Variants in CDC73 observed in about 807,000 individuals in gnomAD.
CDC73 encodes the protein parafibromin.
CDC73 carries 21 observed loss-of-function variants against 83.7 expected under a neutral mutation model. The observed-to-expected ratio is 0.25, with a 90% CI of 0.18 to 0.36. The LOEUF (loss-of-function observed/expected upper bound fraction) is 0.36, where lower values mean the gene tolerates loss of function less well. CDC73 is among the 10% of genes least tolerant of loss of function. The pLI is 1.00. For synonymous variants in CDC73, 224 were observed against 212.9 expected (o/e 1.05, Z -0.45); for missense variants, 342 against 653.3 (o/e 0.52, Z 5.19).
chr1:193,158,153 A>T (rs983248493), intron 10 of CDC73, among the ~76,000 whole-genome samples: 1 of 151,836 alleles, frequency 6.6e-6, no homozygotes, highest in African/African-American at 2.4e-5. Context: ...TATAAAGACT[A>T]GTTTATATAA....
chr1:193,137,308 G>T (rs1675818836), intron 5 of CDC73, among the ~76,000 whole-genome samples: 1 of 152,214 alleles, frequency 6.6e-6, no homozygotes, highest in East Asian at 1.9e-4. Context: ...AATAGGACAT[G>T]AATTGGAGCC....
chr1:193,177,358 C>CAAAAAACAAAAAA (rs1676624232), intron 10 of CDC73, among the ~76,000 whole-genome samples: 1 of 69,544 alleles, frequency 1.4e-5, no homozygotes, highest in Non-Finnish European at 2.6e-5. Flanking sequence ...ACTAAAAATA[C>CAAAAAACAAAAAA]AAAAAAAAAA....
At chr1:193,196,463 C>T (rs897656199) in intron 10 of CDC73, among the ~76,000 whole-genome samples, 2 of 152,104 alleles carry the variant, frequency 1.3e-5, no homozygotes, top group African/African-American at 4.8e-5. Context: ...ATTTGAGGTC[C>T]CGTGAGATTC....
At chr1:193,143,471 AC>A (rs1314324776) in intron 7 of CDC73, among the ~76,000 whole-genome samples, 31 of 152,276 alleles carry the variant, frequency 2.0e-4, no homozygotes, top group African/African-American at 7.2e-4. Context: ...ACTGAAGTGA[AC>A]AGTTTTCTTT....
chr1:193,122,564 A>G (rs759879954), intron 1 of CDC73: 8 of 511,244 alleles, frequency 1.6e-5, no homozygotes, highest in Non-Finnish European at 7.1e-6. Flanking sequence ...AAGGAAAGGT[A>G]CCGTGGGAGT....
intron 10 of CDC73, among the ~76,000 whole-genome samples, chr1:193,164,125 C>T (rs1475370193): frequency 6.6e-6 from 1 of 152,186 alleles, no homozygotes; most frequent in African/African-American, 2.4e-5. Context: ...GGCAGTATTA[C>T]ATTTACATTT....
intron 15 of CDC73, among the ~76,000 whole-genome samples, chr1:193,242,387 A>G (rs567449026): frequency 6.6e-6 from 1 of 152,168 alleles, no homozygotes; most frequent in East Asian, 1.9e-4. Context: ...GTGGACCATT[A>G]GGGGTCTCTC....
At chr1:193,212,699 G>T (rs1558312989) in intron 13 of CDC73, among the ~76,000 whole-genome samples, 1 of 151,996 alleles carries the variant, frequency 6.6e-6, no homozygotes, top group African/African-American at 2.4e-5. Context: ...AAGTCCTAAT[G>T]AAAAAAGGTA....
chr1:193,128,933 G>T (rs1480785350), intron 2 of CDC73, among the ~76,000 whole-genome samples: 1 of 151,494 alleles, frequency 6.6e-6, no homozygotes, highest in Non-Finnish European at 1.5e-5. Context: ...TTTCAGACTG[G>T]GTCTCGCCTC....
At chr1:193,127,752 A>G (rs1675604507) in intron 2 of CDC73, 2 of 151,572 alleles carry the variant, frequency 1.3e-5, no homozygotes, top group African/African-American at 2.4e-5. Flanking sequence ...CCAAAATTCT[A>G]TGAATTCGAG....
intron 8 of CDC73, among the ~76,000 whole-genome samples, chr1:193,148,708 G>A (rs902259551): frequency 1.3e-4 from 17 of 133,370 alleles, no homozygotes; most frequent in Admixed American, 7.8e-4. Context: ...TCAGTGGCAC[G>A]ATCTTGGCTC....
At position 193,180,352 on chromosome 1, in the gene CDC73, G is replaced by A. The variant is rs1298958276; in HGVS notation, c.973-23443G>A. ...CTTTTCTTTTGCTGCGTTGGCACAGGCATTGTGCTTATTTTGTTGTAAATG... is the reference window on the plus strand; with the variant it reads ...CTTTTCTTTTGCTGCGTTGGCACAGACATTGTGCTTATTTTGTTGTAAATG... On this transcript the variant is annotated intron_variant, in intron 10 of 16. Coordinates refer to ENST00000367435, the MANE Select transcript of CDC73 (RefSeq NM_024529.5). 3.1e-6 allele frequency: 5 copies of A among 1,610,752 alleles called. No individual in the cohort carries two copies. The South Asian group carries it at 4.4e-5, about 14-fold the overall frequency.
At position 193,130,157 on chromosome 1, in the gene CDC73, TA is replaced by T. The variant is rs2103117739; in HGVS notation, c.238-13del. ...ATTGTTATTCATTTCATATCTCATT[TA>T]AAATTTTGGTTTTAGACTGAAAATA... On this transcript the variant is annotated splice_polypyrimidine_tract_variant and intron_variant, in intron 2 of 16. Coordinates refer to ENST00000367435, the MANE Select transcript of CDC73 (RefSeq NM_024529.5). 1 of 1,285,114 alleles carries T rather than the reference TA, an allele frequency of 7.8e-7. No homozygotes were observed. The highest frequency in any genetic ancestry group is 1.1e-6 in the Non-Finnish European group (1 of 880,874). The allele number at this position is 1,285,114 out of a possible 1,614,324, so 79.6% of individuals were successfully genotyped here. A position where few individuals can be genotyped will look rare whatever the true frequency, so the allele number is the denominator to read the frequency against.
intron 10 of CDC73, among the ~76,000 whole-genome samples, chr1:193,168,578 G>A (rs748734057): frequency 2.7e-5 from 4 of 150,474 alleles, no homozygotes; most frequent in Non-Finnish European, 5.9e-5. Context: ...CAGATGGAAT[G>A]CAGTAGCGCA....
At chr1:193,218,288 T>C (rs148415661) in intron 13 of CDC73, among the ~76,000 whole-genome samples, 4 of 152,110 alleles carry the variant, frequency 2.6e-5, no homozygotes, top group Admixed American at 6.6e-5. Flanking sequence ...CGAAAAACAT[T>C]TCATGTGCAT....
At chr1:193,180,986 A>G in intron 10 of CDC73, 1 of 1,613,592 alleles carries the variant, frequency 6.2e-7, no homozygotes, top group South Asian at 1.1e-5. Context: ...TTAATACTTA[A>G]GCCCAACAAA....
At chr1:193,156,858 G>T (rs1237727840) in intron 10 of CDC73, among the ~76,000 whole-genome samples, 1 of 152,072 alleles carries the variant, frequency 6.6e-6, no homozygotes, top group Non-Finnish European at 1.5e-5. Context: ...AGTGCATGCT[G>T]TGTGCCTGGC....
chr1:193,170,303 A>G (rs7554925), intron 10 of CDC73, among the ~76,000 whole-genome samples: 94,859 of 152,012 alleles, frequency 0.62, 30,051 homozygotes, highest in South Asian at 0.77. Context: ...TCCTTTGAGT[A>G]TATAACCAGT....
chr1:193,146,462 TGGCAGAA>T (rs1234312968), intron 7 of CDC73, among the ~76,000 whole-genome samples: 1 of 150,700 alleles, frequency 6.6e-6, no homozygotes, highest in Non-Finnish European at 1.5e-5. Context: ...GGTCATTTCA[TGGCAGAA>T]GGCAGAAGCA....
Sources: gnomAD v4.1 joint callset for allele counts (sites outside exome capture counted in the v4.1 genomes callset) on GRCh38, gnomAD v4.1.1 for gene constraint, MANE v1.5 for transcripts, NCBI Gene and HGNC (gene_info 2026-07-23, HGNC 2026-07-21) for gene names.